Variants in MYO3A observed in about 807,000 individuals in gnomAD.
MYO3A encodes the protein myosin-IIIa.
MYO3A carries 180 observed loss-of-function variants against 192.7 expected under a neutral mutation model. The observed-to-expected ratio is 0.93, with a 90% CI of 0.83 to 1.06. MYO3A has a LOEUF of 1.06. MYO3A is among the 50% of genes least tolerant of loss of function. The pLI is 0.00. For synonymous variants in MYO3A, 628 were observed against 645.3 expected (o/e 0.97, Z 0.41); for missense variants, 1,896 against 1,905.0 (o/e 1.00, Z 0.09).
At chr10:26,201,209 C>A (rs1018314438) in intron 32 of MYO3A, 56 bp from the exon 33 acceptor site, 1 of 892,876 alleles carries the variant, frequency 1.1e-6, no homozygotes, top group Non-Finnish European at 1.6e-6. Context: ...AGTTATATAT[C>A]CATTATATTA....
In MYO3A at chr10:26,170,511, GACT is replaced by G; in HGVS notation, c.3373_3375del (p.Tyr1125del). Reference sequence around the variant, plus strand: ...CATTCAAACTTCTGATCAGGAATTCGACTACAAGAAAAACTTTGAAAATACAAG... The same window carrying G: ...CATTCAAACTTCTGATCAGGAATTCGACAAGAAAAACTTTGAAAATACAAG... On this transcript the variant is annotated inframe_deletion, in exon 29 of 35. Transcript: ENST00000642920. 1 of 1,612,528 alleles carries G rather than the reference GACT, an allele frequency of 6.2e-7. No homozygotes were observed. The highest frequency in any genetic ancestry group is 1.1e-5 in the South Asian group (1 of 90,942).
chr10:25,975,307 G>A (rs540902813), intron 4 of MYO3A, among the ~76,000 whole-genome samples: 86 of 152,328 alleles, frequency 5.6e-4, no homozygotes, highest in Non-Finnish European at 1.1e-3. Context: ...TTATCAGAAA[G>A]GAATGCTAGT....
At chr10:25,989,639 T>C (rs1839886920) in intron 4 of MYO3A, among the ~76,000 whole-genome samples, 1 of 152,134 alleles carries the variant, frequency 6.6e-6, no homozygotes, top group East Asian at 1.9e-4. Flanking sequence ...GAAATGTGCC[T>C]GGCACAAAGT....
chr10:25,946,388 A>C (rs1239340451), intron 2 of MYO3A, among the ~76,000 whole-genome samples: 1 of 151,676 alleles, frequency 6.6e-6, no homozygotes, highest in Admixed American at 6.6e-5. Flanking sequence ...ACAGGTTTTT[A>C]TCTTTCAGCA....
intron 10 of MYO3A, among the ~76,000 whole-genome samples, chr10:26,042,130 AT>A (rs1843384995): frequency 6.6e-6 from 1 of 152,146 alleles, no homozygotes; most frequent in Non-Finnish European, 1.5e-5. Context: ...AGCACTTTAC[AT>A]ATGTCATGCC....
At chr10:25,983,137 C>T (rs1839433668) in intron 4 of MYO3A, among the ~76,000 whole-genome samples, 1 of 151,874 alleles carries the variant, frequency 6.6e-6, no homozygotes, top group Non-Finnish European at 1.5e-5. Flanking sequence ...ATCAAGGACA[C>T]AATTAGAGAA....
At chr10:26,009,928 A>G (rs1300307951) in intron 6 of MYO3A, among the ~76,000 whole-genome samples, 2 of 152,218 alleles carry the variant, frequency 1.3e-5, no homozygotes, top group Non-Finnish European at 2.9e-5. Context: ...TGGAAAAATA[A>G]GACAAGGTAT....
intron 15 of MYO3A, among the ~76,000 whole-genome samples, chr10:26,092,666 T>G (rs1836773885): frequency 6.6e-6 from 1 of 152,194 alleles, no homozygotes; most frequent in South Asian, 2.1e-4. Context: ...GAGACAGCCC[T>G]GAGGGCCTTC....
chr10:26,068,901 G>A lies in MYO3A; in HGVS notation c.1170+17G>A, dbSNP rs201452863. The A allele has an allele frequency of 3.4e-5, 49 of 1,434,338 alleles. No individual in the cohort carries two copies. The East Asian group carries it at 1.0e-3, about 31-fold the overall frequency. The allele number at this position is 1,434,338 out of a possible 1,614,324, so 88.9% of individuals were successfully genotyped here. On this transcript the variant is annotated intron_variant, in intron 12 of 34. Coordinates refer to ENST00000642920, the MANE Select transcript of MYO3A (RefSeq NM_017433.5). ...TCCACAAAGGTATGTCGTATGGGGT[G>A]CATTCTGTTACTTCATACACATAAT...
intron 15 of MYO3A, among the ~76,000 whole-genome samples, chr10:26,094,742 A>G (rs1273169151): frequency 6.6e-6 from 1 of 152,052 alleles, no homozygotes; most frequent in Non-Finnish European, 1.5e-5. Context: ...TAATTTCTAA[A>G]GAGAGCAATA....
At chr10:26,118,981 C>T (rs186513740) in intron 17 of MYO3A, among the ~76,000 whole-genome samples, 1 of 152,174 alleles carries the variant, frequency 6.6e-6, no homozygotes, top group African/African-American at 2.4e-5. Flanking sequence ...TGCCTAGGCT[C>T]ACCTCTCTGA....
In MYO3A at chr10:26,024,092, G is replaced by A. The variant is rs1162929289; in HGVS notation, c.797+5G>A. Reference sequence around the variant, plus strand: ...ATTCAATGACTTCATAAGCAAGTGAGTAAAAACAGTCTTTTAAAAAACCAA... The same window carrying A: ...ATTCAATGACTTCATAAGCAAGTGAATAAAAACAGTCTTTTAAAAAACCAA... On this transcript the variant is annotated splice_donor_5th_base_variant and intron_variant, in intron 9 of 34. Transcript: ENST00000642920. The A allele has an allele frequency of 6.2e-7, 1 of 1,610,612 alleles. No homozygotes were observed. Among genetic ancestry groups the A allele is most frequent in the Non-Finnish European group, 8.5e-7 (1 of 1,177,218 alleles).
intron 34 of MYO3A, among the ~76,000 whole-genome samples, chr10:26,208,030 T>A (rs188410222): frequency 6.6e-6 from 1 of 151,842 alleles, no homozygotes; most frequent in Non-Finnish European, 1.5e-5. Context: ...TTGTAGCTAC[T>A]GTAAGTGAGA....
At chr10:26,191,391 C>G (rs13328829) in intron 31 of MYO3A, among the ~76,000 whole-genome samples, 1,664 of 152,306 alleles carry the variant, frequency 0.011, 43 homozygotes, top group African/African-American at 0.038. Context: ...CCTCCTCCAT[C>G]TATTCCTTGA....
At chr10:26,042,300 T>G (rs970264747) in intron 10 of MYO3A, among the ~76,000 whole-genome samples, 15 of 152,184 alleles carry the variant, frequency 9.9e-5, no homozygotes, top group African/African-American at 3.1e-4. Flanking sequence ...TGAGGTGGTG[T>G]TCTTCAGATT....
intron 6 of MYO3A, among the ~76,000 whole-genome samples, chr10:26,004,537 G>A (rs1841059528): frequency 6.6e-6 from 1 of 152,052 alleles, no homozygotes; most frequent in African/African-American, 2.4e-5. Flanking sequence ...GGTATTAAGA[G>A]AGCACATCTA....
Position 26,004,460 on chromosome 10 carries a change from A to C in MYO3A, c.508+7202A>C, listed in dbSNP as rs138979134. Among the ~76,000 whole-genome samples the C allele has an allele frequency of 3.2e-4, 48 of 151,490 alleles. No homozygotes were observed. In the East Asian group the frequency reaches 8.3e-3, roughly 26 times the overall value. Reference sequence around the variant, plus strand: ...TTATATTAATATATATAAACATATAAAAATAAATATAATGTGAATGCATGT... The same window carrying C: ...TTATATTAATATATATAAACATATACAAATAAATATAATGTGAATGCATGT... On this transcript the variant is annotated intron_variant, in intron 6 of 34. Coordinates refer to ENST00000642920, the MANE Select transcript of MYO3A (RefSeq NM_017433.5).
intron 6 of MYO3A, among the ~76,000 whole-genome samples, chr10:25,998,920 T>C (rs1432527195): frequency 6.6e-6 from 1 of 152,174 alleles, no homozygotes; most frequent in African/African-American, 2.4e-5. Flanking sequence ...TTTTTTGAGA[T>C]GGAGTCTCAC....
In MYO3A at chr10:26,128,450, A is replaced by G; in HGVS notation, c.2174A>G (p.Lys725Arg). The G allele has an allele frequency of 6.2e-7, 1 of 1,612,920 alleles. No individual in the cohort carries two copies. The highest frequency in any genetic ancestry group is 1.1e-5 in the South Asian group (1 of 91,056). The stretch of plus-strand genomic sequence containing the variant: ...GATATATTTGGCTTTGAAAATTTCA[A>G]AAAAAATTCCTTCGAGCAGCTGTGC... ...ILDIFGFENF[K>R]KNSFEQLCIN... The change falls in exon 20 of 35, where the codon AAA becomes AGA. Residue 725 changes from lysine (K) to arginine (R), a missense_variant. Physicochemically the swap from Lys to Arg is conservative, Grantham distance 26. Coordinates refer to ENST00000642920, the MANE Select transcript of MYO3A (RefSeq NM_017433.5).
Sources: gnomAD v4.1 joint callset for allele counts (sites outside exome capture counted in the v4.1 genomes callset) on GRCh38, gnomAD v4.1.1 for gene constraint, MANE v1.5 for transcripts, NCBI Gene and HGNC (gene_info 2026-07-23, HGNC 2026-07-21) for gene names.